Variants in HMCN1 observed in about 807,000 individuals in gnomAD.
The protein encoded by HMCN1 is hemicentin-1.
A neutral mutation model predicts 625.9 loss-of-function variants in HMCN1; 321 were observed. The ratio of observed to expected loss-of-function variants is 0.51; its 90% CI spans 0.47 to 0.56. HMCN1 has a LOEUF of 0.56. HMCN1 is among the 20% of genes least tolerant of loss of function. The pLI is 0.00. For missense variants in HMCN1, 6,588 were observed against 6,887.3 expected (o/e 0.96, Z 1.54); for synonymous variants, 2,425 against 2,417.6 (o/e 1.00, Z -0.09).
chr1:186,101,095 C>A (rs892665106), intron 68 of HMCN1, among the ~76,000 whole-genome samples: 1 of 151,966 alleles, frequency 6.6e-6, no homozygotes, highest in African/African-American at 2.4e-5. Flanking sequence ...CATTGACAAT[C>A]CCAACAAAAT....
At chr1:185,997,573 C>A (rs1423481407) in intron 25 of HMCN1, 49 bp downstream of exon 25, 6 of 1,300,898 alleles carry the variant, frequency 4.6e-6, no homozygotes, top group Non-Finnish European at 6.7e-6. Context: ...TATATGGTTT[C>A]AGAATGCTAT....
At chr1:185,845,130 C>T (rs1263081689) in intron 1 of HMCN1, among the ~76,000 whole-genome samples, 1 of 152,224 alleles carries the variant, frequency 6.6e-6, no homozygotes. Context: ...TAGCCAGGCT[C>T]AGCCACCCCA....
intron 52 of HMCN1, among the ~76,000 whole-genome samples, chr1:186,072,467 C>T (rs528472036): frequency 6.2e-4 from 95 of 152,206 alleles, no homozygotes; most frequent in South Asian, 1.7e-3. Context: ...GGGAATACAG[C>T]TGTGAAAGAA....
At chr1:186,022,202 G>T (rs1052553942) in intron 35 of HMCN1, among the ~76,000 whole-genome samples, 45 of 152,112 alleles carry the variant, frequency 3.0e-4, no homozygotes, top group Non-Finnish European at 5.9e-5. Flanking sequence ...AATTTAGGAT[G>T]CATTAGAGTT....
intron 1 of HMCN1, among the ~76,000 whole-genome samples, chr1:185,770,411 T>C (rs1338858088): frequency 1.3e-5 from 2 of 152,176 alleles, no homozygotes; most frequent in African/African-American, 4.8e-5. Flanking sequence ...ATAAATGTTT[T>C]TTAAAAAAGA....
Position 185,927,487 on chromosome 1 carries a change from G to C in HMCN1, c.1431-1059G>C, listed in dbSNP as rs546015666. 2.0e-5 allele frequency among the ~76,000 whole-genome samples: 3 copies of C among 152,268 alleles called. No individual in the cohort carries two copies. In the South Asian group the frequency reaches 6.2e-4, roughly 32 times the overall value. On this transcript the variant is annotated intron_variant, in intron 9 of 106. Coordinates refer to ENST00000271588, the MANE Select transcript of HMCN1 (RefSeq NM_031935.3). ...CTAAAACATATGGATCAATGACCTT[G>C]CTTTGTTTCTCACTTTCCTAAGGCA... is the stretch of plus-strand genomic sequence containing the variant.
chr1:185,967,310 A>G (rs371146549), intron 14 of HMCN1, among the ~76,000 whole-genome samples: 2 of 152,086 alleles, frequency 1.3e-5, no homozygotes, highest in East Asian at 1.9e-4. Context: ...CCCATCTTAA[A>G]CCCAGAAATA....
chr1:186,040,013 C>A, intron 39 of HMCN1, 134 bp downstream of exon 39: 1 of 837,402 alleles, frequency 1.2e-6, no homozygotes, highest in Non-Finnish European at 2.0e-6. Context: ...ACATATGCAA[C>A]CATAAACACC....
At chr1:186,131,136 T>G (rs1661911545) in intron 85 of HMCN1, among the ~76,000 whole-genome samples, 1 of 152,162 alleles carries the variant, frequency 6.6e-6, no homozygotes, top group African/African-American at 2.4e-5. Flanking sequence ...AGTGAAATAT[T>G]TTATCCAAAA....
At chr1:186,140,176 C>T (rs561704340) in intron 89 of HMCN1, among the ~76,000 whole-genome samples, 92 of 152,036 alleles carry the variant, frequency 6.1e-4, no homozygotes, top group African/African-American at 2.1e-3. Context: ...TTATCTAATC[C>T]ACAGGCCATG....
chr1:186,170,147 T>A (rs1430506460), intron 100 of HMCN1, among the ~76,000 whole-genome samples: 2 of 152,024 alleles, frequency 1.3e-5, no homozygotes, highest in Non-Finnish European at 2.9e-5. Context: ...AGAATGGCAA[T>A]CATTAAAAAG....
chr1:185,761,470 T>G (rs1655497828), intron 1 of HMCN1, among the ~76,000 whole-genome samples: 1 of 152,208 alleles, frequency 6.6e-6, no homozygotes, highest in African/African-American at 2.4e-5. Flanking sequence ...CCCATGAGCC[T>G]GTTAACTTCG....
chr1:186,170,930 T>C (rs1017510339), intron 100 of HMCN1, among the ~76,000 whole-genome samples: 1 of 152,132 alleles, frequency 6.6e-6, no homozygotes, highest in Non-Finnish European at 1.5e-5. Context: ...ACCAAGCTAG[T>C]AGCAACAAGA....
chr1:185,957,890 CATTAT>C (rs929348464), intron 11 of HMCN1, among the ~76,000 whole-genome samples: 9 of 150,408 alleles, frequency 6.0e-5, no homozygotes, highest in African/African-American at 1.5e-4. Flanking sequence ...ACCACATGCT[CATTAT>C]ATTATAACTC....
chr1:186,095,121 A>C, intron 67 of HMCN1, 122 bp from the exon 68 acceptor site: 2 of 969,772 alleles, frequency 2.1e-6, no homozygotes, highest in South Asian at 1.4e-5. Context: ...ATTATACACA[A>C]TTTTAAAGTA....
chr1:186,053,144 A>G, intron 43 of HMCN1, 70 bp downstream of exon 43: 7 of 1,418,432 alleles, frequency 4.9e-6, no homozygotes, highest in Non-Finnish European at 5.9e-6. Flanking sequence ...CGTTTAATAA[A>G]TGTGTTAGAT....
In HMCN1 at chr1:186,153,943, T is replaced by C. The variant is rs150734874; in HGVS notation, c.15212T>C (p.Ile5071Thr). 6.2e-7 allele frequency: 1 copy of C among 1,614,032 alleles called. No individual in the cohort carries two copies. Among genetic ancestry groups the C allele is most frequent in the Non-Finnish European group, 8.5e-7 (1 of 1,179,944 alleles). Residue 5071 changes from isoleucine (I) to threonine (T), a missense_variant, in exon 97 of 107, where the codon ATA (isoleucine) becomes ACA (threonine). Around this residue, in one of 3 missense-constraint regions of HMCN1, gnomAD observed 1,954 missense variants for 2,013.1 expected, o/e 0.97. Transcript: ENST00000271588. ...TCTGTGGAATCTGACTATAACCAGA[T>C]AGAAGAGACACTGGGTTTTAAAATT... is the stretch of plus-strand genomic sequence containing the variant. ...ASSVESDYNQIEETLGFKIHA... is the reference protein window; with the variant it reads ...ASSVESDYNQTEETLGFKIHA...
intron 81 of HMCN1, among the ~76,000 whole-genome samples, chr1:186,123,977 G>A (rs1314466544): frequency 6.6e-6 from 1 of 151,928 alleles, no homozygotes; most frequent in South Asian, 2.1e-4. Context: ...ATTTTTGGTT[G>A]AATAATTTAG....
chr1:185,991,750 A>G (rs567382763), intron 22 of HMCN1, among the ~76,000 whole-genome samples: 2 of 150,766 alleles, frequency 1.3e-5, no homozygotes, highest in Admixed American at 6.6e-5. Flanking sequence ...ATAGCTTTGT[A>G]TATTTCTCTT....
Sources: allele counts gnomAD v4.1 joint callset (sites outside exome capture counted in the v4.1 genomes callset), GRCh38; gene constraint gnomAD v4.1.1; regional missense constraint gnomAD v4.1.1; transcripts MANE v1.5; gene names NCBI Gene and HGNC (gene_info 2026-07-23, HGNC 2026-07-21).